The following SLC35A1 variants were observed in gnomAD, a reference collection of about 807,000 sequenced individuals.
SLC35A1 encodes the protein CMP-sialic acid transporter.
In SLC35A1, 21 loss-of-function variants were observed where a neutral mutation model predicts 40.3. That is an observed-to-expected ratio of 0.52 (90% confidence interval 0.37 to 0.75). The LOEUF (loss-of-function observed/expected upper bound fraction) is 0.75, where lower values mean the gene tolerates loss of function less well. SLC35A1 is among the 30% of genes least tolerant of loss of function. The pLI, the probability that SLC35A1 is intolerant of heterozygous loss-of-function variation, is 0.00. For missense variants in SLC35A1, 297 were observed against 382.1 expected (o/e 0.78, Z 1.86); for synonymous variants, 146 against 147.3 (o/e 0.99, Z 0.06).
intron 7 of SLC35A1, among the ~76,000 whole-genome samples, chr6:87,509,422 G>A (rs1282186062): frequency 6.6e-6 from 1 of 152,006 alleles, no homozygotes; most frequent in Non-Finnish European, 1.5e-5. Context: ...AAAGTGAGGG[G>A]ACTTTTTTTG....
chr6:87,506,449 G>A lies in SLC35A1; in HGVS notation c.574+1G>A. 1.2e-6 allele frequency: 2 copies of A among 1,612,420 alleles called. No individual in the cohort carries two copies. Among genetic ancestry groups the A allele is most frequent in the Non-Finnish European group, 1.7e-6 (2 of 1,178,602 alleles). On this transcript the variant is annotated splice_donor_variant, in intron 5 of 7. Transcript: ENST00000369552. LOFTEE classifies it high-confidence loss of function. ...GCTGTATTGTGCTCAGGATTTGCAG[G>A]TAAATCATGAAAGCATTGTTTTATT...
At chr6:87,511,060 C>CTT (rs1257425120) in intron 7 of SLC35A1, among the ~76,000 whole-genome samples, 33 of 151,910 alleles carry the variant, frequency 2.2e-4, no homozygotes, top group African/African-American at 7.7e-4. Context: ...TTCTTTTGTA[C>CTT]TTATATATAT....
Position 87,497,362 on chromosome 6 carries a change from C to A in SLC35A1, c.195-3146C>A, listed in dbSNP as rs115709722. Among the ~76,000 whole-genome samples, 11 of 152,000 alleles carry A rather than the reference C, an allele frequency of 7.2e-5. No homozygotes were observed. The East Asian group carries it at 9.6e-4, about 13-fold the overall frequency. On this transcript the variant is annotated intron_variant, in intron 2 of 7. Coordinates refer to ENST00000369552, the MANE Select transcript of SLC35A1 (RefSeq NM_006416.5). ...AAAAAGATACCTTGGCCATCCTGACCGTGAAAAAATAGCTCCTAAGCATCC... is the reference window on the plus strand; with the variant it reads ...AAAAAGATACCTTGGCCATCCTGACAGTGAAAAAATAGCTCCTAAGCATCC...
At chr6:87,478,679 A>G (rs904075749) in intron 2 of SLC35A1, among the ~76,000 whole-genome samples, 2 of 152,250 alleles carry the variant, frequency 1.3e-5, no homozygotes, top group East Asian at 1.9e-4. Context: ...AATTGGTTCT[A>G]GATCTTGAAA....
At chr6:87,479,459 C>T (rs1337679614) in intron 2 of SLC35A1, among the ~76,000 whole-genome samples, 3 of 152,134 alleles carry the variant, frequency 2.0e-5, no homozygotes, top group African/African-American at 4.8e-5. Flanking sequence ...TTCCATTTAC[C>T]GAACCACTTT....
At chr6:87,505,076 C>G (rs1248662309) in intron 4 of SLC35A1, among the ~76,000 whole-genome samples, 1 of 152,176 alleles carries the variant, frequency 6.6e-6, no homozygotes, top group Non-Finnish European at 1.5e-5. Context: ...AACAAACCCC[C>G]AGTGGTGCCA....
chr6:87,498,798 G>A (rs555738646), intron 2 of SLC35A1, among the ~76,000 whole-genome samples: 2 of 152,018 alleles, frequency 1.3e-5, no homozygotes, highest in Admixed American at 1.3e-4. Context: ...CAACAAAGAT[G>A]TAAGGAAAGT....
At chr6:87,492,473 T>C (rs2127969906) in intron 2 of SLC35A1, among the ~76,000 whole-genome samples, 1 of 152,222 alleles carries the variant, frequency 6.6e-6, no homozygotes, top group East Asian at 1.9e-4. Context: ...ATAGAAATGA[T>C]GCGTCCCTTT....
At chr6:87,506,514 CAGTCTA>C in intron 5 of SLC35A1, 66 bp downstream of exon 5, 1 of 1,221,020 alleles carries the variant, frequency 8.2e-7, no homozygotes, top group Non-Finnish European at 1.2e-6. Flanking sequence ...CTTTAGACAC[CAGTCTA>C]GTTTATCTTG....
chr6:87,500,996 C>T (rs953204940), intron 3 of SLC35A1, among the ~76,000 whole-genome samples, 162 bp from the exon 4 acceptor site: 3 of 152,064 alleles, frequency 2.0e-5, no homozygotes, highest in Non-Finnish European at 2.9e-5. Context: ...ATCCACCACC[C>T]GCCTCGGCCT....
chr6:87,473,036 C>A lies in SLC35A1; in HGVS notation c.16+17C>A. 1 of 604,826 alleles carries A rather than the reference C, an allele frequency of 1.7e-6. No homozygotes were observed. The highest frequency in any genetic ancestry group is 2.6e-6 in the Non-Finnish European group (1 of 386,336). The allele number at this position is 604,826 out of a possible 1,614,324, so 37.5% of individuals were successfully genotyped here. On this transcript the variant is annotated intron_variant, in intron 1 of 7. Coordinates refer to ENST00000369552, the MANE Select transcript of SLC35A1 (RefSeq NM_006416.5). Reference sequence around the variant, plus strand: ...CCCCGAGAGGTGAGAACTGGGTCTGCTGGGAGTGGGGAGTCCGCGGGGGGC... The same window carrying A: ...CCCCGAGAGGTGAGAACTGGGTCTGATGGGAGTGGGGAGTCCGCGGGGGGC...
At chr6:87,489,652 C>T (rs988273588) in intron 2 of SLC35A1, among the ~76,000 whole-genome samples, 9 of 150,174 alleles carry the variant, frequency 6.0e-5, no homozygotes, top group Non-Finnish European at 1.3e-4. Context: ...AGCGATTCTC[C>T]TGCCTCAGTC....
At chr6:87,491,396 T>C (rs1369447459) in intron 2 of SLC35A1, among the ~76,000 whole-genome samples, 1 of 152,176 alleles carries the variant, frequency 6.6e-6, no homozygotes, top group Non-Finnish European at 1.5e-5. Flanking sequence ...GAAATTTTAA[T>C]TTGCCAAAGG....
intron 6 of SLC35A1, 66 bp from the exon 7 acceptor site, chr6:87,508,975 T>G: frequency 6.5e-7 from 1 of 1,540,386 alleles, no homozygotes; most frequent in East Asian, 2.2e-5. Flanking sequence ...GGATGAAAAT[T>G]GCCTCACCAT....
At chr6:87,484,898 T>C (rs376240255) in intron 2 of SLC35A1, among the ~76,000 whole-genome samples, 7 of 152,234 alleles carry the variant, frequency 4.6e-5, no homozygotes, top group African/African-American at 1.4e-4. Context: ...GGCCAGACTG[T>C]GGGCCATTAA....
chr6:87,509,284 T>G (rs955358377), intron 7 of SLC35A1, 109 bp downstream of exon 7: 2 of 1,382,802 alleles, frequency 1.4e-6, no homozygotes, highest in African/African-American at 2.8e-5. Flanking sequence ...TTACAGAAAT[T>G]CCTAGCTTTG....
intron 2 of SLC35A1, 55 bp from the exon 3 acceptor site, chr6:87,500,451 AAT>A: frequency 6.5e-7 from 1 of 1,538,742 alleles, no homozygotes; most frequent in Non-Finnish European, 9.0e-7. Context: ...TTATTAAAAT[AAT>A]ACTCTTTAAT....
intron 1 of SLC35A1, among the ~76,000 whole-genome samples, chr6:87,473,507 A>G (rs926744839): frequency 3.3e-5 from 5 of 152,202 alleles, no homozygotes; most frequent in Admixed American, 2.0e-4. Context: ...AACAACCACT[A>G]AAGACATCAC....
At chr6:87,496,643 G>A (rs1769733856) in intron 2 of SLC35A1, among the ~76,000 whole-genome samples, 1 of 151,840 alleles carries the variant, frequency 6.6e-6, no homozygotes, top group Middle Eastern at 3.4e-3. Context: ...AGCCAGGTGT[G>A]GTGGTGTGCA....
Sources: gnomAD v4.1 joint callset for allele counts (sites outside exome capture counted in the v4.1 genomes callset) on GRCh38, gnomAD v4.1.1 for gene constraint, MANE v1.5 for transcripts, NCBI Gene and HGNC (gene_info 2026-07-23, HGNC 2026-07-21) for gene names.